Variants in SLC10A7 observed in about 807,000 individuals in gnomAD.
The protein encoded by SLC10A7 is solute carrier family 10 member 7.
SLC10A7 carries 29 observed loss-of-function variants against 43.2 expected under a neutral mutation model. The observed-to-expected ratio is 0.67, with a 90% CI of 0.50 to 0.92. The LOEUF (loss-of-function observed/expected upper bound fraction) is 0.92. Among genes scored for constraint, SLC10A7 ranks in the 40% least tolerant of loss-of-function variants. The pLI is 0.00. For synonymous variants in SLC10A7, 152 were observed against 144.8 expected (o/e 1.05, Z -0.35); for missense variants, 295 against 403.2 (o/e 0.73, Z 2.30).
At chr4:146,397,895 A>G (rs1013960685) in intron 5 of SLC10A7, among the ~76,000 whole-genome samples, 1 of 152,238 alleles carries the variant, frequency 6.6e-6, no homozygotes, top group African/African-American at 2.4e-5. Flanking sequence ...GAAAAACTGG[A>G]TAAAGCAATA....
At chr4:146,305,367 T>C (rs1031232989) in intron 7 of SLC10A7, among the ~76,000 whole-genome samples, 4 of 145,662 alleles carry the variant, frequency 2.7e-5, no homozygotes, top group East Asian at 2.1e-4. Flanking sequence ...TAGGTGGGAA[T>C]TGAACAATGA....
intron 4 of SLC10A7, among the ~76,000 whole-genome samples, chr4:146,503,191 C>A (rs1314679095): frequency 1.3e-5 from 2 of 152,084 alleles, no homozygotes; most frequent in Non-Finnish European, 2.9e-5. Context: ...CCTTCAATAA[C>A]ATCTTTTTTC....
intron 4 of SLC10A7, among the ~76,000 whole-genome samples, chr4:146,479,714 T>C (rs1341580917): frequency 6.6e-6 from 1 of 152,138 alleles, no homozygotes; most frequent in African/African-American, 2.4e-5. Flanking sequence ...TACACAACAA[T>C]ATGAATATAC....
intron 7 of SLC10A7, among the ~76,000 whole-genome samples, chr4:146,298,223 G>C (rs1356360906): frequency 6.6e-6 from 1 of 152,164 alleles, no homozygotes; most frequent in Non-Finnish European, 1.5e-5. Flanking sequence ...ATGCTTTAGA[G>C]ACCGGGCCTG....
chr4:146,325,942 A>T lies in SLC10A7; in HGVS notation c.471+19T>A. On this transcript the variant is annotated intron_variant, in intron 6 of 11. Coordinates refer to ENST00000335472, the MANE Select transcript of SLC10A7 (RefSeq NM_001029998.6). Reference sequence around the variant, plus strand: ...TAGCTTTTAATAAAATATATTAAAGACAACATCAAAATACTCACAAAAAGC... The same window carrying T: ...TAGCTTTTAATAAAATATATTAAAGTCAACATCAAAATACTCACAAAAAGC... 1 of 1,605,262 alleles carries T rather than the reference A, an allele frequency of 6.2e-7. No homozygotes were observed. Among genetic ancestry groups the T allele is most frequent in the Non-Finnish European group, 8.5e-7 (1 of 1,174,158 alleles).
intron 4 of SLC10A7, among the ~76,000 whole-genome samples, chr4:146,472,515 C>T (rs1202800098): frequency 1.3e-5 from 2 of 150,684 alleles, no homozygotes; most frequent in Non-Finnish European, 2.9e-5. Context: ...CAGTGCAAAG[C>T]AGTTCCTAAC....
intron 4 of SLC10A7, among the ~76,000 whole-genome samples, chr4:146,473,303 G>C (rs930084637): frequency 6.6e-6 from 1 of 152,076 alleles, no homozygotes; most frequent in Admixed American, 6.6e-5. Context: ...AAAAAAGGCT[G>C]ACCCACTGAC....
At chr4:146,374,661 CATAT>C (rs1313401886) in intron 5 of SLC10A7, among the ~76,000 whole-genome samples, 10 of 100,708 alleles carry the variant, frequency 9.9e-5, no homozygotes, top group South Asian at 2.8e-4. Flanking sequence ...CACACACACA[CATAT>C]ATATATATTT....
chr4:146,459,208 C>CTTAA (rs1345837579), intron 4 of SLC10A7, among the ~76,000 whole-genome samples: 1 of 151,646 alleles, frequency 6.6e-6, no homozygotes, highest in Non-Finnish European at 1.5e-5. Context: ...TTCTAAAAGA[C>CTTAA]TTAAATAGAG....
intron 5 of SLC10A7, among the ~76,000 whole-genome samples, chr4:146,398,297 A>T (rs1738979514): frequency 6.6e-6 from 1 of 152,246 alleles, no homozygotes; most frequent in South Asian, 2.1e-4. Flanking sequence ...ATACACTCGT[A>T]TATACACACA....
intron 5 of SLC10A7, among the ~76,000 whole-genome samples, chr4:146,401,849 T>C (rs2630306): frequency 0.011 from 1,625 of 152,288 alleles, 21 homozygotes; most frequent in African/African-American, 0.036. Flanking sequence ...GAATCAGTAT[T>C]TTTTGTTCAG....
chr4:146,304,070 C>CA lies in SLC10A7; in HGVS notation c.555+1855dup, dbSNP rs33923015. Among the ~76,000 whole-genome samples, 32 of 124,692 alleles carry CA rather than the reference C, an allele frequency of 2.6e-4. 1 individual carries two copies. The Middle Eastern group carries it at 0.012, about 46-fold the overall frequency. The allele number at this position is 124,692 out of a possible 152,430, so 81.8% of individuals were successfully genotyped here. On this transcript the variant is annotated intron_variant, in intron 7 of 11. Coordinates refer to ENST00000335472, the MANE Select transcript of SLC10A7 (RefSeq NM_001029998.6). Reference sequence around the variant, plus strand: ...TGGCATCCTATGATTTCATAGAAAACAAAAAAAATCCACTTGTTTTACAAT... The same window carrying CA: ...TGGCATCCTATGATTTCATAGAAAACAAAAAAAAATCCACTTGTTTTACAAT...
intron 4 of SLC10A7, among the ~76,000 whole-genome samples, chr4:146,449,714 C>A (rs912221476): frequency 1.3e-5 from 2 of 152,078 alleles, no homozygotes; most frequent in Admixed American, 6.5e-5. Flanking sequence ...AACAGTGAAA[C>A]AGACCATGCC....
chr4:146,384,771 G>C (rs969327189), intron 5 of SLC10A7, among the ~76,000 whole-genome samples: 11 of 152,032 alleles, frequency 7.2e-5, no homozygotes, highest in Non-Finnish European at 1.3e-4. Flanking sequence ...GGCCTACTGG[G>C]AGGTGCCTAG....
chr4:146,454,283 T>A (rs1731858064), intron 4 of SLC10A7, among the ~76,000 whole-genome samples: 1 of 151,934 alleles, frequency 6.6e-6, no homozygotes, highest in Admixed American at 6.6e-5. Context: ...TTTGATTGCA[T>A]CCTCCTGAAA....
intron 9 of SLC10A7, among the ~76,000 whole-genome samples, chr4:146,286,651 CGTGTCTGG>C (rs1729988282): frequency 1.0e-5 from 1 of 98,244 alleles, no homozygotes; most frequent in Admixed American, 1.0e-4. Context: ...TGAGAAGGAC[CGTGTCTGG>C]AGTGGTGAGA....
chr4:146,295,250 T>C (rs990690278), intron 7 of SLC10A7, among the ~76,000 whole-genome samples: 2 of 150,716 alleles, frequency 1.3e-5, no homozygotes, highest in African/African-American at 5.0e-5. Flanking sequence ...AAAGGCAGTC[T>C]TGGCAGAAAG....
intron 5 of SLC10A7, among the ~76,000 whole-genome samples, chr4:146,354,904 T>C (rs373622267): frequency 8.1e-6 from 1 of 123,728 alleles, no homozygotes; most frequent in Non-Finnish European, 1.7e-5. Flanking sequence ...GGATTAAAGA[T>C]TTAAACGTTA....
intron 4 of SLC10A7, among the ~76,000 whole-genome samples, chr4:146,494,314 A>C (rs1038298074): frequency 9.9e-5 from 15 of 152,200 alleles, no homozygotes; most frequent in African/African-American, 3.4e-4. Context: ...TTCTGTGCTC[A>C]AGGTCAGGCG....
Sources: allele counts gnomAD v4.1 joint callset (sites outside exome capture counted in the v4.1 genomes callset), GRCh38; gene constraint gnomAD v4.1.1; transcripts MANE v1.5; gene names NCBI Gene and HGNC (gene_info 2026-07-23, HGNC 2026-07-21).